The following CA10 variants were observed in gnomAD, a reference collection of about 807,000 sequenced individuals.
CA10 encodes carbonic anhydrase-related protein 10.
In CA10, 14 loss-of-function variants were observed where a neutral mutation model predicts 44.2. The observed-to-expected ratio is 0.32, with a 90% CI of 0.21 to 0.50. The LOEUF (loss-of-function observed/expected upper bound fraction) is 0.50, where lower values mean the gene tolerates loss of function less well. Ranked by LOEUF, CA10 falls within the 20% of genes least tolerant of loss-of-function variation. The probability of loss-of-function intolerance (pLI) is 0.99; values close to 1 mark genes in which losing one functional copy is unlikely to be tolerated. For missense variants in CA10, 350 were observed against 409.7 expected (o/e 0.85, Z 1.26); for synonymous variants, 159 against 141.6 (o/e 1.12, Z -0.87).
intron 4 of CA10, among the ~76,000 whole-genome samples, chr17:51,685,448 C>A (rs940774010): frequency 1.2e-4 from 18 of 152,276 alleles, no homozygotes; most frequent in Middle Eastern, 3.4e-3. Flanking sequence ...CTGCCAGGTA[C>A]AACTGCTCTG....
chr17:51,850,227 G>T (rs557947211), intron 3 of CA10, among the ~76,000 whole-genome samples: 2 of 152,148 alleles, frequency 1.3e-5, no homozygotes, highest in African/African-American at 2.4e-5. Context: ...ATGCAGCATG[G>T]CATATGTATA....
At position 51,901,400 on chromosome 17, in the gene CA10, G is replaced by T. The variant is rs570506234; in HGVS notation, c.279+29590C>A. Reference sequence around the variant, plus strand: ...AAAGCTGCTGTACAAGAGGGGCTGAGGTATTCCCTAGCCACAATACTCCAA... The same window carrying T: ...AAAGCTGCTGTACAAGAGGGGCTGATGTATTCCCTAGCCACAATACTCCAA... On this transcript the variant is annotated intron_variant, in intron 3 of 8. Coordinates refer to ENST00000451037, the MANE Select transcript of CA10 (RefSeq NM_020178.5). Among the ~76,000 whole-genome samples the T allele has an allele frequency of 2.0e-5, 3 of 152,214 alleles. No individual in the cohort carries two copies. The South Asian group carries it at 6.2e-4, about 32-fold the overall frequency.
intron 2 of CA10, among the ~76,000 whole-genome samples, chr17:51,998,177 ACCATGT>A (rs994204263): frequency 3.9e-5 from 6 of 152,062 alleles, no homozygotes; most frequent in Non-Finnish European, 7.4e-5. Flanking sequence ...TCTTTACAGA[ACCATGT>A]CCTTTGTTCA....
intron 2 of CA10, among the ~76,000 whole-genome samples, chr17:52,009,809 A>T (rs1985723376): frequency 6.6e-6 from 1 of 152,086 alleles, no homozygotes; most frequent in African/African-American, 2.4e-5. Flanking sequence ...CAGCAGAGTT[A>T]ATAGACAACC....
At chr17:52,087,812 C>A (rs1988158825) in intron 1 of CA10, among the ~76,000 whole-genome samples, 1 of 152,132 alleles carries the variant, frequency 6.6e-6, no homozygotes, top group Non-Finnish European at 1.5e-5. Flanking sequence ...TTATGCCCCC[C>A]TTATTTATCA....
intron 2 of CA10, among the ~76,000 whole-genome samples, chr17:52,022,746 C>T (rs750738301): frequency 1.4e-4 from 22 of 152,156 alleles, no homozygotes; most frequent in Non-Finnish European, 2.8e-4. Flanking sequence ...AACTGATAAA[C>T]AACTTCAATA....
At chr17:52,020,603 T>G (rs539881009) in intron 2 of CA10, among the ~76,000 whole-genome samples, 43 of 152,106 alleles carry the variant, frequency 2.8e-4, no homozygotes, top group African/African-American at 9.4e-4. Context: ...TGCTGTAATT[T>G]GCTTTAATTC....
intron 3 of CA10, among the ~76,000 whole-genome samples, chr17:51,878,882 A>AGGG (rs1980224518): frequency 3.1e-4 from 5 of 16,362 alleles, no homozygotes; most frequent in African/African-American, 6.3e-4. Flanking sequence ...ATATATATAT[A>AGGG]TATATATATG....
intron 2 of CA10, among the ~76,000 whole-genome samples, chr17:52,006,861 A>G (rs2144128128): frequency 6.6e-6 from 1 of 151,882 alleles, no homozygotes; most frequent in African/African-American, 2.4e-5. Flanking sequence ...ATCTGAGATT[A>G]ATGTCTTCAT....
intron 1 of CA10, among the ~76,000 whole-genome samples, chr17:52,094,974 A>T (rs562178567): frequency 6.6e-6 from 1 of 152,196 alleles, no homozygotes; most frequent in African/African-American, 2.4e-5. Context: ...CTAGGTATAG[A>T]TGCAAAAAAT....
Position 52,130,017 on chromosome 17 carries a change from C to T in CA10, c.61+27709G>A, listed in dbSNP as rs1989198665. ...TGAATAGACGTTTTTCAAAAGAAAGCATATAAAGAGCTAACAGGTATAAGA... is the reference window on the plus strand; with the variant it reads ...TGAATAGACGTTTTTCAAAAGAAAGTATATAAAGAGCTAACAGGTATAAGA... On this transcript the variant is annotated intron_variant, in intron 1 of 8. Coordinates refer to ENST00000451037, the MANE Select transcript of CA10 (RefSeq NM_020178.5). 2.0e-5 allele frequency among the ~76,000 whole-genome samples: 3 copies of T among 152,074 alleles called. No homozygotes were observed. In the South Asian group the frequency reaches 6.2e-4, roughly 32 times the overall value.
intron 3 of CA10, among the ~76,000 whole-genome samples, chr17:51,862,980 G>A (rs1979381270): frequency 6.6e-6 from 1 of 152,040 alleles, no homozygotes; most frequent in Admixed American, 6.6e-5. Flanking sequence ...TGGAGGGGAG[G>A]CACAAATATT....
intron 4 of CA10, among the ~76,000 whole-genome samples, chr17:51,700,599 G>A (rs754383036): frequency 1.6e-4 from 25 of 151,992 alleles, no homozygotes; most frequent in Admixed American, 7.9e-4. Context: ...TCACCTTCAC[G>A]TCTCCGTGAA....
intron 6 of CA10, among the ~76,000 whole-genome samples, chr17:51,643,438 G>A (rs948069477): frequency 5.3e-5 from 8 of 152,254 alleles, no homozygotes; most frequent in African/African-American, 1.9e-4. Flanking sequence ...TCTGTTGAAG[G>A]GGAATTTGAC....
chr17:51,944,671 T>C (rs1003208537), intron 2 of CA10, among the ~76,000 whole-genome samples: 4 of 152,204 alleles, frequency 2.6e-5, no homozygotes, highest in Admixed American at 2.0e-4. Flanking sequence ...TAAAACAATG[T>C]GCACTGGAGG....
intron 2 of CA10, among the ~76,000 whole-genome samples, chr17:52,071,597 G>T (rs1987680872): frequency 6.6e-6 from 1 of 152,168 alleles, no homozygotes; most frequent in Admixed American, 6.5e-5. Context: ...GGCTCCTGCT[G>T]AGAGCTTTAT....
intron 3 of CA10, among the ~76,000 whole-genome samples, chr17:51,841,014 G>T (rs1363374026): frequency 6.6e-6 from 1 of 152,196 alleles, no homozygotes; most frequent in Admixed American, 6.5e-5. Context: ...TAAGTGATGG[G>T]AGTAGGGAGA....
chr17:52,153,702 T>C (rs2143418912), intron 1 of CA10, among the ~76,000 whole-genome samples: 1 of 152,318 alleles, frequency 6.6e-6, no homozygotes, highest in Admixed American at 6.5e-5. Flanking sequence ...GGTTTTCTTT[T>C]TGCTTTTAAA....
chr17:51,670,716 T>C (rs916690007), intron 4 of CA10, among the ~76,000 whole-genome samples: 1 of 152,192 alleles, frequency 6.6e-6, no homozygotes, highest in Non-Finnish European at 1.5e-5. Context: ...GTGAACATTA[T>C]TGGGCTATAA....
Sources: gnomAD v4.1 joint callset for allele counts (sites outside exome capture counted in the v4.1 genomes callset) on GRCh38, gnomAD v4.1.1 for gene constraint, MANE v1.5 for transcripts, NCBI Gene and HGNC (gene_info 2026-07-23, HGNC 2026-07-21) for gene names.